The following CFAP54 variants were observed in gnomAD, a reference collection of about 807,000 sequenced individuals.
CFAP54 encodes cilia- and flagella-associated protein 54.
Under a neutral mutation model 370.4 loss-of-function variants are expected in CFAP54, and 290 were observed. The ratio of observed to expected loss-of-function variants is 0.78; its 90% CI spans 0.71 to 0.86. The LOEUF (loss-of-function observed/expected upper bound fraction) is 0.86, where lower values mean the gene tolerates loss of function less well. CFAP54 is among the 40% of genes least tolerant of loss of function. CFAP54 has a pLI of 0.00. For synonymous variants in CFAP54, 1,206 were observed against 1,236.5 expected, an observed-to-expected ratio of 0.98 and a Z score of 0.52; for missense variants, 3,399 against 3,528.7, an observed-to-expected ratio of 0.96 and a Z score of 0.93.
chr12:96,512,854 C>T (rs979031436), intron 4 of CFAP54, 132 bp from the exon 5 acceptor site: 3 of 460,918 alleles, frequency 6.5e-6, no homozygotes, highest in African/African-American at 6.0e-5. Flanking sequence ...GAGTATAACT[C>T]TATATACCAT....
At position 96,700,103 on chromosome 12, in the gene CFAP54, C is replaced by T. The variant is rs907382852; in HGVS notation, c.6474+10C>T. 3.8e-6 allele frequency: 6 copies of T among 1,598,680 alleles called. No individual in the cohort carries two copies. Among genetic ancestry groups the T allele is most frequent in the East Asian group, 4.5e-5 (2 of 44,620 alleles). On this transcript the variant is annotated intron_variant, in intron 46 of 67. Coordinates refer to ENST00000524981, the MANE Select transcript of CFAP54 (RefSeq NM_001306084.2). ...CACTGGAAAAATGAAGGTAACCTGA[C>T]AATTTGATTCAAAGCAATTTCTTTA...
In CFAP54 at chr12:96,533,958, T is replaced by A; in HGVS notation, c.1524T>A (p.Leu508=). ...TATTTGAATCTTCTGCTGTACATCT[T>A]ATTTATTTTCTCCAGGTAATATATG... is the stretch of plus-strand genomic sequence containing the variant. ...WSLFESSAVH[L]IYFLQRQDDP... Residue 508 remains leucine (L), a synonymous_variant, in exon 10 of 68, where the codon CTT becomes CTA. Transcript: ENST00000524981. 6.6e-7 allele frequency: 1 copy of A among 1,516,738 alleles called. No homozygotes were observed. Among genetic ancestry groups the A allele is most frequent in the Non-Finnish European group, 8.8e-7 (1 of 1,141,430 alleles). 94.0% of individuals were successfully genotyped at this position (1,516,738 alleles called of 1,614,324 possible).
At chr12:96,493,297 T>C (rs1156431252) in intron 1 of CFAP54, among the ~76,000 whole-genome samples, 2 of 152,202 alleles carry the variant, frequency 1.3e-5, no homozygotes, top group African/African-American at 4.8e-5. Flanking sequence ...GCTTATAGTC[T>C]AGAGAGGGAG....
rs754361329 is a variant in CFAP54 at position 96,651,575 on chromosome 12, G to T, written c.4873-13G>T. 1.1e-5 allele frequency: 18 copies of T among 1,603,602 alleles called. No homozygotes were observed. The highest frequency in any genetic ancestry group is 3.3e-5 in the South Asian group (3 of 89,930). On this transcript the variant is annotated splice_polypyrimidine_tract_variant and intron_variant, in intron 35 of 67. Coordinates refer to ENST00000524981, the MANE Select transcript of CFAP54 (RefSeq NM_001306084.2). ...GGAACTTTGGGATCTTTTAAATTTT[G>T]TGTTTGTCATAGGTTCTTGCTCATC...
chr12:96,700,340 A>T (rs1433326381), intron 46 of CFAP54, among the ~76,000 whole-genome samples: 7 of 151,806 alleles, frequency 4.6e-5, no homozygotes, highest in Admixed American at 2.6e-4. Context: ...GGGATGCTGC[A>T]TGTTGCTTTT....
intron 32 of CFAP54, among the ~76,000 whole-genome samples, chr12:96,638,246 T>TAA: frequency 1.7e-5 from 1 of 58,648 alleles, no homozygotes; most frequent in East Asian, 2.7e-4. Flanking sequence ...TGTGTGTATA[T>TAA]ATATATATAT....
At chr12:96,644,551 C>A in intron 33 of CFAP54, 143 bp downstream of exon 33, 2 of 613,832 alleles carry the variant, frequency 3.3e-6, no homozygotes. Context: ...TTAGTCTGTT[C>A]TCACACTGCT....
intron 22 of CFAP54, among the ~76,000 whole-genome samples, chr12:96,583,730 G>A (rs1956051945): frequency 6.6e-6 from 1 of 152,196 alleles, no homozygotes; most frequent in Admixed American, 6.5e-5. Flanking sequence ...TGTCAAGCCT[G>A]ACACTTGGAC....
chr12:96,861,078 T>G (rs1338209991), intron 67 of CFAP54, 126 bp downstream of exon 67: 3 of 649,270 alleles, frequency 4.6e-6, no homozygotes, highest in Non-Finnish European at 7.0e-6. Context: ...TTAAAATTAT[T>G]ATTTTGAGGA....
chr12:96,826,521 AATATATT>A (rs1374663988), intron 65 of CFAP54, among the ~76,000 whole-genome samples: 6 of 84,782 alleles, frequency 7.1e-5, no homozygotes, highest in African/African-American at 2.2e-4. Context: ...ATAAATATAT[AATATATT>A]ATATATTATA....
intron 26 of CFAP54, among the ~76,000 whole-genome samples, chr12:96,608,121 A>T (rs1472274531): frequency 6.6e-6 from 1 of 152,118 alleles, no homozygotes; most frequent in Admixed American, 6.6e-5. Context: ...TTAGATAATA[A>T]TGATGTGACT....
intron 26 of CFAP54, among the ~76,000 whole-genome samples, chr12:96,606,054 G>C (rs1956296824): frequency 6.6e-6 from 1 of 151,388 alleles, no homozygotes; most frequent in Admixed American, 6.6e-5. Flanking sequence ...TTAGTGGGGG[G>C]GTGACAAAAA....
intron 60 of CFAP54, among the ~76,000 whole-genome samples, chr12:96,766,133 G>A (rs768081995): frequency 2.6e-5 from 4 of 152,126 alleles, no homozygotes; most frequent in Non-Finnish European, 4.4e-5. Flanking sequence ...TGTAGACAGC[G>A]TCTTACTCTG....
In CFAP54 at chr12:96,621,875, G is replaced by GTTTGTTTTTTTTTTTTT. The variant is rs1956496257; in HGVS notation, c.3771+157_3771+158insGTTTTTTTTTTTTTTTT. 5.6e-4 allele frequency among the ~76,000 whole-genome samples: 28 copies of GTTTGTTTTTTTTTTTTT among 50,032 alleles called. 4 individuals carry two copies. Among genetic ancestry groups the GTTTGTTTTTTTTTTTTT allele is most frequent in the Non-Finnish European group, 7.3e-4 (22 of 30,228 alleles). 32.8% of individuals were successfully genotyped at this position (50,032 alleles called of 152,430 possible). On this transcript the variant is annotated intron_variant, in intron 27 of 67. Coordinates refer to ENST00000524981, the MANE Select transcript of CFAP54 (RefSeq NM_001306084.2). ...ATTATAGTAAAGAGCTTTTGGGTTT[G>GTTTGTTTTTTTTTTTTT]TTTTTTTTTTTTTTTTTTTTTTTTT...
intron 50 of CFAP54, among the ~76,000 whole-genome samples, chr12:96,726,180 G>A (rs2136618192): frequency 6.6e-6 from 1 of 151,358 alleles, no homozygotes; most frequent in East Asian, 1.9e-4. Flanking sequence ...TCAGGATGAT[G>A]CTGGCCTCAT....
intron 40 of CFAP54, among the ~76,000 whole-genome samples, chr12:96,683,319 A>G (rs1036196863): frequency 6.6e-6 from 1 of 152,236 alleles, no homozygotes; most frequent in African/African-American, 2.4e-5. Flanking sequence ...AGAGACAGGT[A>G]TGTTGTATTG....
At chr12:96,551,485 A>ATGTG (rs10582056) in intron 15 of CFAP54, among the ~76,000 whole-genome samples, 10,958 of 143,740 alleles carry the variant, frequency 0.076, 529 homozygotes, top group Admixed American at 0.13. Flanking sequence ...TTGAATGGGT[A>ATGTG]TGTGTGTGTG....
chr12:96,708,555 A>G, intron 47 of CFAP54, 53 bp from the exon 48 acceptor site: 1 of 1,456,868 alleles, frequency 6.9e-7, no homozygotes, highest in Non-Finnish European at 9.4e-7. Context: ...ATATAATAAT[A>G]TCTGAAAAAG....
intron 4 of CFAP54, among the ~76,000 whole-genome samples, chr12:96,510,252 CAAAA>C (rs199654204): frequency 9.0e-5 from 8 of 88,424 alleles, no homozygotes; most frequent in African/African-American, 2.0e-4. Flanking sequence ...GACTCCATCT[CAAAA>C]AAAAAAAAAA....
Sources: gnomAD v4.1 joint callset for allele counts (sites outside exome capture counted in the v4.1 genomes callset) on GRCh38, gnomAD v4.1.1 for gene constraint, MANE v1.5 for transcripts, NCBI Gene and HGNC (gene_info 2026-07-23, HGNC 2026-07-21) for gene names.